Variants in FAM107B observed in about 807,000 individuals in gnomAD.
FAM107B encodes protein FAM107B.
A neutral mutation model predicts 31.5 loss-of-function variants in FAM107B; 21 were observed. That is an observed-to-expected ratio of 0.67 (90% CI 0.47 to 0.96). FAM107B has a LOEUF of 0.96. Among genes scored for constraint, FAM107B ranks in the 40% least tolerant of loss-of-function variants. The pLI, the probability that FAM107B is intolerant of heterozygous loss-of-function variation, is 0.00. For synonymous variants in FAM107B, 157 were observed against 141.5 expected, an observed-to-expected ratio of 1.11 and a Z score of -0.78; for missense variants, 452 against 377.1, an observed-to-expected ratio of 1.20 and a Z score of -1.64.
intron 2 of FAM107B, among the ~76,000 whole-genome samples, chr10:14,549,961 G>A (rs980462582): frequency 1.3e-5 from 2 of 152,194 alleles, no homozygotes; most frequent in African/African-American, 2.4e-5. Flanking sequence ...CCCAGACATC[G>A]GGTGCCACAT....
intron 1 of FAM107B, among the ~76,000 whole-genome samples, chr10:14,719,648 G>A (rs528241913): frequency 2.0e-4 from 30 of 152,266 alleles, no homozygotes; most frequent in Admixed American, 6.5e-4. Flanking sequence ...TAGGGGATTC[G>A]AGGGGGAGAG....
rs1009235738 is a variant in FAM107B at position 14,561,083 on chromosome 10, C to T, written c.470-30568G>A. On this transcript the variant is annotated intron_variant, in intron 2 of 4. Coordinates refer to ENST00000181796, the MANE Select transcript of FAM107B (RefSeq NM_031453.4). ...CTGTCTTTTGAAGGGAGCCGGACAC[C>T]TGGCGAGTAAATGCCATCTTGTGTA... Among the ~76,000 whole-genome samples the T allele has an allele frequency of 3.3e-5, 5 of 152,248 alleles. No homozygotes were observed. The East Asian group carries it at 9.6e-4, about 29-fold the overall frequency.
chr10:14,673,353 T>C (rs1854605418), intron 1 of FAM107B, among the ~76,000 whole-genome samples: 1 of 152,210 alleles, frequency 6.6e-6, no homozygotes, highest in Non-Finnish European at 1.5e-5. Flanking sequence ...ATACCAACTT[T>C]TTCAGCTCTC....
chr10:14,657,614 C>G (rs1854097808), intron 2 of FAM107B, among the ~76,000 whole-genome samples: 2 of 152,098 alleles, frequency 1.3e-5, no homozygotes, highest in African/African-American at 4.8e-5. Flanking sequence ...GAAAACCAAC[C>G]AACTTTCTCC....
chr10:14,769,888 G>T (rs533141496), intron 1 of FAM107B, among the ~76,000 whole-genome samples: 1 of 152,172 alleles, frequency 6.6e-6, no homozygotes, highest in Admixed American at 6.5e-5. Flanking sequence ...CTCACACTGC[G>T]TACATCACTG....
intron 1 of FAM107B, 126 bp downstream of exon 1, chr10:14,774,127 T>G: frequency 4.2e-6 from 5 of 1,189,966 alleles, no homozygotes; most frequent in South Asian, 1.6e-5. Context: ...TTCGCACTAG[T>G]GAGAACGCCC....
chr10:14,753,432 C>T (rs1334231095), intron 1 of FAM107B, among the ~76,000 whole-genome samples: 1 of 147,018 alleles, frequency 6.8e-6, no homozygotes, highest in Non-Finnish European at 1.5e-5. Flanking sequence ...ATCCCAACAC[C>T]TTCATCATGG....
intron 2 of FAM107B, among the ~76,000 whole-genome samples, chr10:14,586,017 G>A (rs965495260): frequency 1.1e-4 from 17 of 152,250 alleles, no homozygotes; most frequent in African/African-American, 3.6e-4. Context: ...TTGCTTGGGC[G>A]TGCAGGGGTG....
chr10:14,722,175 C>G (rs1459096377), intron 1 of FAM107B, among the ~76,000 whole-genome samples: 2 of 152,198 alleles, frequency 1.3e-5, no homozygotes, highest in Admixed American at 1.3e-4. Flanking sequence ...AACCTCACAC[C>G]TATTAGCAGT....
At chr10:14,754,802 T>C (rs975261143) in intron 1 of FAM107B, among the ~76,000 whole-genome samples, 2 of 152,246 alleles carry the variant, frequency 1.3e-5, no homozygotes, top group African/African-American at 2.4e-5. Flanking sequence ...ACAGCACATC[T>C]GCTGTGTTTC....
At chr10:14,627,925 T>C (rs1474096122) in intron 2 of FAM107B, among the ~76,000 whole-genome samples, 1 of 151,580 alleles carries the variant, frequency 6.6e-6, no homozygotes, top group African/African-American at 2.4e-5. Context: ...TAATTGAGAG[T>C]AACTACGAAG....
intron 2 of FAM107B, among the ~76,000 whole-genome samples, chr10:14,621,173 A>T (rs1392431624): frequency 6.6e-5 from 10 of 151,982 alleles, no homozygotes; most frequent in Non-Finnish European, 8.8e-5. Context: ...TGTTTTTTTA[A>T]ATTTGGCATT....
chr10:14,727,474 G>A (rs1270382162), intron 1 of FAM107B, among the ~76,000 whole-genome samples: 3 of 152,206 alleles, frequency 2.0e-5, no homozygotes, highest in Admixed American at 2.0e-4. Context: ...ATCTTCTAGA[G>A]CCAAGGAAGA....
At chr10:14,587,032 C>T (rs1166100603) in intron 2 of FAM107B, among the ~76,000 whole-genome samples, 9 of 152,186 alleles carry the variant, frequency 5.9e-5, no homozygotes, top group Non-Finnish European at 8.8e-5. Context: ...TCACGTATGA[C>T]ATCACATCAC....
intron 2 of FAM107B, among the ~76,000 whole-genome samples, chr10:14,605,522 C>T (rs935791486): frequency 1.3e-5 from 2 of 152,302 alleles, no homozygotes; most frequent in South Asian, 4.1e-4. Context: ...TGAAAAGTCA[C>T]ATCAGTTACG....
chr10:14,722,526 TG>T (rs1488848696), intron 1 of FAM107B, among the ~76,000 whole-genome samples: 5 of 152,360 alleles, frequency 3.3e-5, no homozygotes, highest in Admixed American at 3.3e-4. Context: ...TCCTAATGGC[TG>T]TAAAGTTGTA....
At chr10:14,578,196 C>T (rs1038725290) in intron 2 of FAM107B, among the ~76,000 whole-genome samples, 2 of 152,168 alleles carry the variant, frequency 1.3e-5, no homozygotes, top group African/African-American at 4.8e-5. Flanking sequence ...CAAGCAGGTG[C>T]CAGCCTCCCT....
At chr10:14,703,862 C>G (rs899432551) in intron 1 of FAM107B, among the ~76,000 whole-genome samples, 3 of 152,152 alleles carry the variant, frequency 2.0e-5, no homozygotes, top group Admixed American at 6.6e-5. Context: ...TAATAAACTG[C>G]AATTTCTGTT....
intron 2 of FAM107B, among the ~76,000 whole-genome samples, chr10:14,549,481 G>T (rs935108744): frequency 1.3e-5 from 2 of 152,246 alleles, no homozygotes; most frequent in African/African-American, 4.8e-5. Context: ...AACTAAGGGG[G>T]CTTTGGCAAA....
Sources: allele counts gnomAD v4.1 joint callset (sites outside exome capture counted in the v4.1 genomes callset), GRCh38; gene constraint gnomAD v4.1.1; transcripts MANE v1.5; gene names NCBI Gene and HGNC (gene_info 2026-07-23, HGNC 2026-07-21).